FNDC3A: variants seen among roughly 807,000 people sequenced by gnomAD.
The protein encoded by FNDC3A is fibronectin type III domain containing 3A.
In FNDC3A, 32 loss-of-function variants were observed where a neutral mutation model predicts 148.9. That is an observed-to-expected ratio of 0.21 (90% CI 0.16 to 0.29). The LOEUF is 0.29. Ranked by LOEUF, FNDC3A falls within the 10% of genes least tolerant of loss-of-function variation. The pLI is 1.00. For synonymous variants in FNDC3A, 472 were observed against 473.6 expected (o/e 1.00, Z 0.04); for missense variants, 1,191 against 1,452.8 (o/e 0.82, Z 2.93).
At chr13:49,135,104 C>T (rs922548419) in intron 5 of FNDC3A, among the ~76,000 whole-genome samples, 1 of 151,922 alleles carries the variant, frequency 6.6e-6, no homozygotes, top group African/African-American at 2.4e-5. Context: ...ATCCACCTGC[C>T]TCACCCTCCC....
intron 15 of FNDC3A, 62 bp downstream of exon 15, chr13:49,186,164 T>C (rs1885558530): frequency 7.4e-7 from 1 of 1,349,140 alleles, no homozygotes; most frequent in South Asian, 1.3e-5. Flanking sequence ...AATTTGAATA[T>C]GAAGATAATT....
intron 7 of FNDC3A, among the ~76,000 whole-genome samples, chr13:49,142,423 C>T (rs1355667036): frequency 6.6e-6 from 1 of 152,112 alleles, no homozygotes; most frequent in Admixed American, 6.6e-5. Context: ...TTTCATTCTC[C>T]CCATGCTAGA....
At chr13:49,133,926 A>G (rs1566273049) in intron 5 of FNDC3A, among the ~76,000 whole-genome samples, 2 of 152,162 alleles carry the variant, frequency 1.3e-5, no homozygotes, top group African/African-American at 2.4e-5. Flanking sequence ...TAGATAAAGC[A>G]TTTTAAAGTA....
At chr13:49,091,123 A>G (rs1036740945) in intron 3 of FNDC3A, among the ~76,000 whole-genome samples, 18 of 152,324 alleles carry the variant, frequency 1.2e-4, no homozygotes, top group Admixed American at 5.2e-4. Context: ...CAATAAAAAA[A>G]TCAGAACAAT....
At chr13:49,003,968 T>G (rs188953392) in intron 1 of FNDC3A, among the ~76,000 whole-genome samples, 1 of 152,324 alleles carries the variant, frequency 6.6e-6, no homozygotes, top group African/African-American at 2.4e-5. Context: ...AAGTTGGTTG[T>G]TAAAATTCAG....
chr13:49,093,646 T>C (rs1320633246), intron 3 of FNDC3A, among the ~76,000 whole-genome samples: 1 of 152,178 alleles, frequency 6.6e-6, no homozygotes, highest in Non-Finnish European at 1.5e-5. Flanking sequence ...ACAGTTACCT[T>C]ACAGTGACTT....
chr13:49,153,079 C>A (rs1285368493), intron 8 of FNDC3A, among the ~76,000 whole-genome samples: 1 of 151,948 alleles, frequency 6.6e-6, no homozygotes, highest in Non-Finnish European at 1.5e-5. Context: ...TTCTAGATCC[C>A]TGAGGAATCG....
At chr13:49,144,001 ACTACTACTACTG>A (rs1366007168) in intron 7 of FNDC3A, among the ~76,000 whole-genome samples, 1 of 149,624 alleles carries the variant, frequency 6.7e-6, no homozygotes, top group Non-Finnish European at 1.5e-5. Context: ...TACTACTACT[ACTACTACTACTG>A]CTACTACTAC....
chr13:49,189,449 G>A (rs1440810488), intron 17 of FNDC3A, among the ~76,000 whole-genome samples: 1 of 151,768 alleles, frequency 6.6e-6, no homozygotes, highest in Admixed American at 6.6e-5. Flanking sequence ...CCACAGTGCT[G>A]GGATTACAGG....
At chr13:49,110,142 C>T (rs976350957) in intron 3 of FNDC3A, among the ~76,000 whole-genome samples, 4 of 152,120 alleles carry the variant, frequency 2.6e-5, no homozygotes, top group Non-Finnish European at 4.4e-5. Flanking sequence ...AGGGCAGCAG[C>T]AGTAGAAATC....
chr13:49,002,892 C>T (rs769611568), intron 1 of FNDC3A, among the ~76,000 whole-genome samples: 19 of 152,094 alleles, frequency 1.2e-4, no homozygotes, highest in Non-Finnish European at 2.2e-4. Flanking sequence ...CTTGTATCTA[C>T]CAGGAATCTA....
chr13:49,160,991 G>A (rs572450312), intron 8 of FNDC3A, among the ~76,000 whole-genome samples: 5 of 152,168 alleles, frequency 3.3e-5, no homozygotes. Context: ...GAGACAGTTT[G>A]TTATAATTTC....
chr13:49,078,963 T>C (rs1878295668), intron 3 of FNDC3A, among the ~76,000 whole-genome samples: 1 of 152,282 alleles, frequency 6.6e-6, no homozygotes, highest in East Asian at 1.9e-4. Flanking sequence ...ACCTAATGAA[T>C]TGAGATAAGA....
Position 49,201,845 on chromosome 13 carries a change from A to G in FNDC3A, c.3033A>G (p.Gln1011=), listed in dbSNP as rs1249516453. ...GACCATGTCATACATACAAAGTACA[A>G]AGACTTAATGAGTCAACATCCTATA... is the stretch of plus-strand genomic sequence containing the variant. The part of the protein sequence containing the change: ...YRGPCHTYKV[Q]RLNESTSYKF... Residue 1011 remains glutamine (Q), a synonymous_variant, in exon 24 of 26, where the codon CAA becomes CAG. Transcript: ENST00000492622. 2 of 1,586,132 alleles carry G rather than the reference A, an allele frequency of 1.3e-6. No individual in the cohort carries two copies. The highest frequency in any genetic ancestry group is 8.6e-7 in the Non-Finnish European group (1 of 1,164,362).
chr13:49,146,872 A>G (rs1883028687), intron 8 of FNDC3A: 1 of 152,234 alleles, frequency 6.6e-6, no homozygotes, highest in South Asian at 2.1e-4. Context: ...TATTCTAATA[A>G]AAAAGGGTAA....
intron 2 of FNDC3A, among the ~76,000 whole-genome samples, chr13:49,017,458 A>G (rs1264941587): frequency 2.0e-5 from 3 of 151,898 alleles, no homozygotes; most frequent in Non-Finnish European, 4.4e-5. Flanking sequence ...TGCTTGGTAG[A>G]TCTTCCTCCA....
intron 7 of FNDC3A, among the ~76,000 whole-genome samples, chr13:49,144,028 ACT>A (rs1882851362): frequency 1.3e-5 from 2 of 149,952 alleles, no homozygotes; most frequent in Non-Finnish European, 1.5e-5. Context: ...TACTACTACT[ACT>A]ACTAATAATA....
intron 3 of FNDC3A, among the ~76,000 whole-genome samples, chr13:49,082,199 A>G (rs1201760289): frequency 1.3e-5 from 2 of 152,088 alleles, no homozygotes; most frequent in Non-Finnish European, 2.9e-5. Context: ...CAGTTGGACC[A>G]ACATGATGAA....
At chr13:48,983,824 A>C (rs1470440026) in intron 1 of FNDC3A, among the ~76,000 whole-genome samples, 1 of 152,200 alleles carries the variant, frequency 6.6e-6, no homozygotes, top group South Asian at 2.1e-4. Flanking sequence ...TCATTAATAG[A>C]TAGGAACACA....
Sources: gnomAD v4.1 joint callset for allele counts (sites outside exome capture counted in the v4.1 genomes callset) on GRCh38, gnomAD v4.1.1 for gene constraint, MANE v1.5 for transcripts, NCBI Gene and HGNC (gene_info 2026-07-23, HGNC 2026-07-21) for gene names.